The following SRGAP2 variants were observed in gnomAD, a reference collection of about 807,000 sequenced individuals.
SRGAP2 encodes SLIT-ROBO Rho GTPase-activating protein 2.
Under a neutral mutation model 57.2 loss-of-function variants are expected in SRGAP2, and 15 were observed. That is an observed-to-expected ratio of 0.26 (90% CI 0.18 to 0.40). The LOEUF (loss-of-function observed/expected upper bound fraction) is 0.40, where lower values mean the gene tolerates loss of function less well. Ranked by LOEUF, SRGAP2 falls within the 10% of genes least tolerant of loss-of-function variation. SRGAP2 has a pLI of 1.00. For missense variants in SRGAP2, 520 were observed against 669.6 expected, an observed-to-expected ratio of 0.78 and a Z score of 2.47; for synonymous variants, 249 against 248.0, an observed-to-expected ratio of 1.00 and a Z score of -0.04.
intron 2 of SRGAP2, chr1:206,206,414 C>T (rs1427390723): frequency 1.3e-4 from 24 of 187,242 alleles, no homozygotes; most frequent in Non-Finnish European, 2.0e-4. Context: ...GGTGTTTGGA[C>T]ATTTGTTTCA....
chr1:206,203,778 C>T, intron 1 of SRGAP2, 128 bp downstream of exon 1: 5 of 1,514,584 alleles, frequency 3.3e-6, no homozygotes, highest in East Asian at 2.5e-5. Context: ...TTAGCGGTGC[C>T]GCCCGGAATC....
intron 7 of SRGAP2, among the ~76,000 whole-genome samples, chr1:206,397,196 T>A (rs1462075699): frequency 6.6e-6 from 1 of 152,078 alleles, no homozygotes; most frequent in Admixed American, 6.5e-5. Context: ...TATCCTTTTT[T>A]GTGTCTGGCA....
chr1:206,360,066 AAAG>A (rs1676789403), intron 4 of SRGAP2, among the ~76,000 whole-genome samples: 1 of 151,874 alleles, frequency 6.6e-6, no homozygotes, highest in Non-Finnish European at 1.5e-5. Context: ...TCGGCCTCCC[AAAG>A]TGCTGGGATT....
chr1:206,391,723 C>T (rs1228111203), intron 5 of SRGAP2, among the ~76,000 whole-genome samples: 1 of 151,220 alleles, frequency 6.6e-6, no homozygotes, highest in East Asian at 1.9e-4. Flanking sequence ...CACTCGTGAA[C>T]TCCCTGTGTG....
At chr1:206,427,877 G>A (rs921433815) in intron 13 of SRGAP2, among the ~76,000 whole-genome samples, 4 of 152,202 alleles carry the variant, frequency 2.6e-5, no homozygotes, top group Non-Finnish European at 5.9e-5. Flanking sequence ...GGGAGGCTAA[G>A]GCAGGAGGAT....
intron 2 of SRGAP2, among the ~76,000 whole-genome samples, chr1:206,251,210 A>G (rs1368981167): frequency 6.6e-6 from 1 of 151,914 alleles, no homozygotes. Flanking sequence ...CTGCACTTTC[A>G]TAGTTTACAC....
chr1:206,439,149 C>A (rs758676379), intron 16 of SRGAP2, among the ~76,000 whole-genome samples: 1 of 152,186 alleles, frequency 6.6e-6, no homozygotes. Context: ...GAGATACACT[C>A]TTCTTCCTAA....
intron 4 of SRGAP2, among the ~76,000 whole-genome samples, chr1:206,370,502 G>C (rs1553342395): frequency 6.6e-6 from 1 of 152,116 alleles, no homozygotes; most frequent in Non-Finnish European, 1.5e-5. Flanking sequence ...AACATAAAAG[G>C]CCACATATTA....
In SRGAP2 at chr1:206,372,972, T is replaced by TCCTTC. The variant is rs1448760133; in HGVS notation, c.424-11041_424-11040insCTTCC. On this transcript the variant is annotated intron_variant, in intron 4 of 22. Coordinates refer to ENST00000573034, the MANE Select transcript of SRGAP2 (RefSeq NM_015326.5). Reference sequence around the variant, plus strand: ...CTTTCTTTCTTTTCTTTCCTTTCTTTCTTTCTTTCTTTCTTTCTTTCTTTC... The same window carrying TCCTTC: ...CTTTCTTTCTTTTCTTTCCTTTCTTTCCTTCCTTTCTTTCTTTCTTTCTTTCTTTC... Among the ~76,000 whole-genome samples, 30 of 35,462 alleles carry TCCTTC rather than the reference T, an allele frequency of 8.5e-4. 3 individuals carry two copies. The highest frequency in any genetic ancestry group is 5.4e-3 in the South Asian group (5 of 928). The allele number at this position is 35,462 out of a possible 152,430, so 23.3% of individuals were successfully genotyped here. A position where few individuals can be genotyped will look rare whatever the true frequency, so the allele number is the denominator to read the frequency against.
intron 2 of SRGAP2, among the ~76,000 whole-genome samples, chr1:206,249,378 A>G (rs569633141): frequency 1.3e-5 from 2 of 152,338 alleles, no homozygotes; most frequent in South Asian, 4.1e-4. Flanking sequence ...TAAAGAAAAT[A>G]TGGCAGGTAA....
At chr1:206,401,346 C>T (rs1553355385) in intron 7 of SRGAP2, 75 bp from the exon 8 acceptor site, 1 of 700,684 alleles carries the variant, frequency 1.4e-6, no homozygotes, top group Non-Finnish European at 2.6e-6. Context: ...CAGATCTGCC[C>T]TCTGGACCAC....
chr1:206,453,351 C>A lies in SRGAP2; in HGVS notation c.2331C>A (p.Ile777=). The A allele has an allele frequency of 1.4e-6, 1 of 735,184 alleles. No homozygotes were observed. Among genetic ancestry groups the A allele is most frequent in the Non-Finnish European group, 2.5e-6 (1 of 393,680 alleles). 45.5% of individuals were successfully genotyped at this position (735,184 alleles called of 1,614,324 possible). Residue 777 remains isoleucine, a synonymous_variant, in exon 20 of 23, where the codon ATC becomes ATA. Coordinates refer to ENST00000573034, the MANE Select transcript of SRGAP2 (RefSeq NM_015326.5). The stretch of plus-strand genomic sequence containing the variant: ...GGCACAATGGCATCGACGGACTCAT[C>A]CCCCATCAGTACATCGTGGTCCAAG... ...EGRHNGIDGL[I]PHQYIVVQDT...
chr1:206,374,314 C>A (rs1414949046), intron 4 of SRGAP2, among the ~76,000 whole-genome samples: 1 of 150,016 alleles, frequency 6.7e-6, no homozygotes, highest in Non-Finnish European at 1.5e-5. Flanking sequence ...CCGCGCCCGG[C>A]CAGATACACA....
At chr1:206,301,338 G>T (rs1271932582) in intron 2 of SRGAP2, among the ~76,000 whole-genome samples, 5 of 151,838 alleles carry the variant, frequency 3.3e-5, no homozygotes, top group African/African-American at 1.2e-4. Flanking sequence ...CCTGGCACTT[G>T]GTTCTTACTG....
At chr1:206,251,926 A>G (rs1553311199) in intron 2 of SRGAP2, among the ~76,000 whole-genome samples, 1 of 83,902 alleles carries the variant, frequency 1.2e-5, no homozygotes, top group Admixed American at 1.3e-4. Flanking sequence ...GCTGTTCTCG[A>G]ACTCCTGACC....
Position 206,203,721 on chromosome 1 carries a change from G to A in SRGAP2, c.-543+71G>A, listed in dbSNP as rs1299520426. On this transcript the variant is annotated intron_variant, in intron 1 of 22. Transcript: ENST00000573034. ...CTGGAGCCCTGACTGAACAAACCGG[G>A]GCTGGGGCGGGAAGGAGAGGGCGCG... The A allele has an allele frequency of 1.0e-5, 14 of 1,403,416 alleles. No individual in the cohort carries two copies. The East Asian group carries it at 1.3e-4, about 13-fold the overall frequency. The allele number at this position is 1,403,416 out of a possible 1,614,324, so 86.9% of individuals were successfully genotyped here. A position where few individuals can be genotyped will look rare whatever the true frequency, so the allele number is the denominator to read the frequency against.
intron 13 of SRGAP2, among the ~76,000 whole-genome samples, chr1:206,427,645 G>T (rs1174138533): frequency 6.6e-6 from 1 of 152,156 alleles, no homozygotes; most frequent in Non-Finnish European, 1.5e-5. Flanking sequence ...CCAGGGGGGG[G>T]ATCCACGCAG....
At chr1:206,323,440 G>C (rs1673620667) in intron 3 of SRGAP2, among the ~76,000 whole-genome samples, 1 of 148,676 alleles carries the variant, frequency 6.7e-6, no homozygotes, top group Non-Finnish European at 1.5e-5. Context: ...CCCTACTTCT[G>C]GGCCAGCCCT....
intron 3 of SRGAP2, among the ~76,000 whole-genome samples, chr1:206,307,595 C>A (rs1229627120): frequency 6.6e-6 from 1 of 152,246 alleles, no homozygotes; most frequent in African/African-American, 2.4e-5. Flanking sequence ...CGAGCCCTGC[C>A]CCGCGGGAAG....
Sources: gnomAD v4.1 joint callset for allele counts (sites outside exome capture counted in the v4.1 genomes callset) on GRCh38, gnomAD v4.1.1 for gene constraint, MANE v1.5 for transcripts, NCBI Gene and HGNC (gene_info 2026-07-23, HGNC 2026-07-21) for gene names.